The following ACIN1 variants were observed in gnomAD, a reference collection of about 807,000 sequenced individuals.
The protein encoded by ACIN1 is apoptotic chromatin condensation inducer in the nucleus.
A neutral mutation model predicts 146.6 loss-of-function variants in ACIN1; 16 were observed. That is an observed-to-expected ratio of 0.11 (90% CI 0.07 to 0.17). ACIN1 has a LOEUF of 0.17. Ranked by LOEUF, ACIN1 falls within the 10% of genes least tolerant of loss-of-function variation. The pLI, the probability that ACIN1 is intolerant of heterozygous loss-of-function variation, is 1.00. For synonymous variants in ACIN1, 569 were observed against 582.7 expected, an observed-to-expected ratio of 0.98 and a Z score of 0.34; for missense variants, 1,357 against 1,609.3, an observed-to-expected ratio of 0.84 and a Z score of 2.68.
chr14:23,082,697 G>A (rs1157499422), intron 4 of ACIN1, among the ~76,000 whole-genome samples: 1 of 151,602 alleles, frequency 6.6e-6, no homozygotes, highest in East Asian at 1.9e-4. Flanking sequence ...TGCCCGCCTT[G>A]GCCTCCCAAA....
At chr14:23,087,559 T>C (rs957621473) in intron 4 of ACIN1, among the ~76,000 whole-genome samples, 1 of 152,102 alleles carries the variant, frequency 6.6e-6, no homozygotes, top group Non-Finnish European at 1.5e-5. Flanking sequence ...CTCTAAATCT[T>C]TGCTTTTGAA....
At chr14:23,082,860 C>T (rs1302884027) in intron 4 of ACIN1, among the ~76,000 whole-genome samples, 1 of 151,898 alleles carries the variant, frequency 6.6e-6, no homozygotes, top group Non-Finnish European at 1.5e-5. Context: ...CTGCTTCAGC[C>T]TACCGGGCAG....
chr14:23,078,288 G>T, intron 7 of ACIN1, 22 bp from the exon 8 acceptor site: 2 of 1,606,396 alleles, frequency 1.2e-6, no homozygotes, highest in South Asian at 2.2e-5. Context: ...TAGCAAAAAC[G>T]AACAGAGCAA....
upstream of ACIN1, chr14:23,095,486 G>T: frequency 2.8e-6 from 2 of 726,084 alleles, no homozygotes; most frequent in Non-Finnish European, 4.3e-6. Flanking sequence ...GTTTGGGGCG[G>T]GTCCGAGGCC....
At chr14:23,071,610 CA>C in intron 8 of ACIN1, 1 of 1,494,708 alleles carries the variant, frequency 6.7e-7, no homozygotes, top group Non-Finnish European at 9.0e-7. Context: ...CTTGCTGCAG[CA>C]GGGGAGGGGA....
upstream of ACIN1, chr14:23,095,518 C>G (rs758094700): frequency 2.3e-5 from 13 of 563,434 alleles, no homozygotes; most frequent in Non-Finnish European, 4.0e-5. Context: ...GGCTGCCGGG[C>G]TGGCCCAGCT....
chr14:23,078,310 C>T, intron 7 of ACIN1, 44 bp from the exon 8 acceptor site: 1 of 1,572,352 alleles, frequency 6.4e-7, no homozygotes, highest in South Asian at 1.1e-5. Context: ...ACATTTAGAT[C>T]TGCTTGGTTC....
intron 8 of ACIN1, among the ~76,000 whole-genome samples, chr14:23,070,332 A>G (rs2047596569): frequency 6.6e-6 from 1 of 152,106 alleles, no homozygotes; most frequent in Non-Finnish European, 1.5e-5. Context: ...GAGCTCAGAG[A>G]TTAGGGCCAC....
At position 23,068,039 on chromosome 14, in the gene ACIN1, C is replaced by T; in HGVS notation, c.2265+1437G>A. Reference sequence around the variant, plus strand: ...GGGATGGAGGAGAAGTTGGAGCAACCAACATGCTGCCCTTCACCATGGACA... The same window carrying T: ...GGGATGGAGGAGAAGTTGGAGCAACTAACATGCTGCCCTTCACCATGGACA... On this transcript the variant is annotated intron_variant, in intron 9 of 18. Transcript: ENST00000605057. This position sits in a 1 kb window ranked among gnomAD's most constrained non-coding sequence, Gnocchi z 4.3. 1.0e-6 allele frequency: 1 copy of T among 985,850 alleles called. No individual in the cohort carries two copies. Among genetic ancestry groups the T allele is most frequent in the Non-Finnish European group, 1.2e-6 (1 of 829,936 alleles). 61.1% of individuals were successfully genotyped at this position (985,850 alleles called of 1,614,324 possible). A position where few individuals can be genotyped will look rare whatever the true frequency, so the allele number is the denominator to read the frequency against.
At chr14:23,082,911 G>T (rs1458005140) in intron 4 of ACIN1, among the ~76,000 whole-genome samples, 4 of 151,172 alleles carry the variant, frequency 2.6e-5, no homozygotes, top group Admixed American at 2.6e-4. Flanking sequence ...GGCTAATTTC[G>T]GTATTTTTTA....
At chr14:23,093,593 A>T in intron 1 of ACIN1, 49 bp from the exon 2 acceptor site, 1 of 1,498,896 alleles carries the variant, frequency 6.7e-7, no homozygotes, top group East Asian at 2.3e-5. Context: ...AAAAAAAGAA[A>T]AACAAACCCC....
chr14:23,090,433 C>G, intron 3 of ACIN1, 89 bp downstream of exon 3: 1 of 1,174,794 alleles, frequency 8.5e-7, no homozygotes, highest in Non-Finnish European at 1.2e-6. Context: ...TCACTTATTT[C>G]TGAAATTGTC....
rs923156645 is a variant in ACIN1, at chr14:23,068,175, C to G, written c.2265+1301G>C. On this transcript the variant is annotated intron_variant, in intron 9 of 18. Coordinates refer to ENST00000605057, the MANE Select transcript of ACIN1 (RefSeq NM_001386863.1). The surrounding 1 kb of genome is among the most constrained non-coding windows in gnomAD (Gnocchi z 4.3). Reference sequence around the variant, plus strand: ...GACCCTAGACTCCTCTGCACGGTTCCTAGTCGTCACAGCTTAAGTAGAGGG... The same window carrying G: ...GACCCTAGACTCCTCTGCACGGTTCGTAGTCGTCACAGCTTAAGTAGAGGG... The G allele has an allele frequency of 2.2e-5, 22 of 985,906 alleles. No homozygotes were observed. Among genetic ancestry groups the G allele is most frequent in the Non-Finnish European group, 2.7e-5 (22 of 829,962 alleles). 61.1% of individuals were successfully genotyped at this position (985,906 alleles called of 1,614,324 possible). A position where few individuals can be genotyped will look rare whatever the true frequency, so the allele number is the denominator to read the frequency against.
In ACIN1 at chr14:23,059,116, G is replaced by A. The variant is rs771185205; in HGVS notation, c.*32C>T. ...TGGCCATAACCCCCTGGGGCCGAGT[G>A]GCTGGTACCTGCAGCTCTAGTGTTT... is the stretch of plus-strand genomic sequence containing the variant. On this transcript the variant is annotated 3_prime_UTR_variant, in exon 19 of 19. Coordinates refer to ENST00000605057, the MANE Select transcript of ACIN1 (RefSeq NM_001386863.1). The A allele has an allele frequency of 1.2e-6, 2 of 1,604,732 alleles. No homozygotes were observed. The highest frequency in any genetic ancestry group is 3.3e-5 in the Admixed American group (2 of 59,818).
chr14:23,093,159 C>T, intron 2 of ACIN1, among the ~76,000 whole-genome samples: 1 of 152,224 alleles, frequency 6.6e-6, no homozygotes, highest in East Asian at 1.9e-4. Context: ...TCAAAGACAT[C>T]AACTACCTTT....
rs1289237011 is a variant in ACIN1 at position 23,079,607 on chromosome 14, T to G, written c.1728A>C (p.Thr576=). ...AACGTGACCTTGATCTGGACTCTGATGTTGATCTGGAGCCCATCTTGGGTC... is the reference window on the plus strand; with the variant it reads ...AACGTGACCTTGATCTGGACTCTGAGGTTGATCTGGAGCCCATCTTGGGTC... The part of the protein sequence containing the change: ...RGRPKMGSRS[T]SESRSRSRSR... The change falls in exon 6 of 19, where the codon ACA becomes ACC. Residue 576 remains threonine, a synonymous_variant. Transcript: ENST00000605057. The G allele has an allele frequency of 6.2e-7, 1 of 1,614,026 alleles. No homozygotes were observed. The highest frequency in any genetic ancestry group is 2.2e-5 in the East Asian group (1 of 44,904).
chr14:23,082,514 G>A (rs1016850915), intron 4 of ACIN1, among the ~76,000 whole-genome samples: 2 of 134,910 alleles, frequency 1.5e-5, no homozygotes, highest in African/African-American at 2.8e-5. Context: ...GTGCAATCTC[G>A]CCTCACTGCG....
At chr14:23,073,253 G>C (rs192959487) in intron 8 of ACIN1, among the ~76,000 whole-genome samples, 1 of 152,230 alleles carries the variant, frequency 6.6e-6, no homozygotes, top group African/African-American at 2.4e-5. Flanking sequence ...GGTAGGGATT[G>C]CATCTCTTGG....
Position 23,094,964 on chromosome 14 carries a change from C to T in ACIN1, c.138+11G>A, listed in dbSNP as rs1486599902. The T allele has an allele frequency of 3.2e-6, 5 of 1,581,924 alleles. No individual in the cohort carries two copies. Among genetic ancestry groups the T allele is most frequent in the Middle Eastern group, 1.7e-4 (1 of 5,844 alleles). On this transcript the variant is annotated intron_variant, in intron 1 of 18. Transcript: ENST00000605057. ...CTCTCCTCCGACACCCCAGCAACGC[C>T]GACTCCTCACCCCTTTGAGCCGCTT... is the stretch of plus-strand genomic sequence containing the variant.
Sources: allele counts gnomAD v4.1 joint callset (sites outside exome capture counted in the v4.1 genomes callset), GRCh38; gene constraint gnomAD v4.1.1; non-coding constraint Gnocchi (gnomAD v3.1); transcripts MANE v1.5; gene names NCBI Gene and HGNC (gene_info 2026-07-23, HGNC 2026-07-21).